ROBO1: variants seen among roughly 807,000 people sequenced by gnomAD.
The protein encoded by ROBO1 is roundabout guidance receptor 1.
Under a neutral mutation model 195.9 loss-of-function variants are expected in ROBO1, and 149 were observed. The observed-to-expected ratio is 0.76, with a 90% CI of 0.67 to 0.87. The LOEUF is 0.87. Ranked by LOEUF, ROBO1 falls within the 40% of genes least tolerant of loss-of-function variation. The pLI is 0.00. For missense variants in ROBO1, 1,933 were observed against 2,068.3 expected, an observed-to-expected ratio of 0.93 and a Z score of 1.27; for synonymous variants, 816 against 733.2, an observed-to-expected ratio of 1.11 and a Z score of -1.82.
chr3:79,063,855 A>G (rs1433949782), intron 3 of ROBO1, among the ~76,000 whole-genome samples: 1 of 151,962 alleles, frequency 6.6e-6, no homozygotes, highest in Non-Finnish European at 1.5e-5. Flanking sequence ...GACAGACATC[A>G]CTTAATCTAA....
At chr3:79,614,594 A>C (rs1286442414) in intron 1 of ROBO1, among the ~76,000 whole-genome samples, 1 of 152,142 alleles carries the variant, frequency 6.6e-6, no homozygotes, top group African/African-American at 2.4e-5. Context: ...AAAGTATTAA[A>C]AAACTATAAC....
chr3:79,477,609 T>C (rs1232977584), intron 2 of ROBO1, among the ~76,000 whole-genome samples: 1 of 152,134 alleles, frequency 6.6e-6, no homozygotes. Context: ...ACATATATGT[T>C]TACCAAGTTG....
intron 10 of ROBO1, among the ~76,000 whole-genome samples, chr3:78,679,010 G>T (rs2080816196): frequency 6.6e-6 from 1 of 152,136 alleles, no homozygotes; most frequent in Admixed American, 6.5e-5. Context: ...GGGATGCAAG[G>T]CTGGTTCAAT....
chr3:78,910,483 A>G (rs555281420), intron 4 of ROBO1, among the ~76,000 whole-genome samples: 2 of 152,018 alleles, frequency 1.3e-5, no homozygotes, highest in East Asian at 1.9e-4. Context: ...ATCTGATTCA[A>G]CTCCTAGAAG....
At chr3:78,656,495 C>T (rs947335327) in intron 18 of ROBO1, among the ~76,000 whole-genome samples, 4 of 151,922 alleles carry the variant, frequency 2.6e-5, no homozygotes, top group Admixed American at 6.6e-5. Context: ...GGACTACAGG[C>T]GCCCGCCACC....
intron 2 of ROBO1, among the ~76,000 whole-genome samples, chr3:79,538,340 C>A (rs1941949415): frequency 6.6e-6 from 1 of 151,838 alleles, no homozygotes; most frequent in African/African-American, 2.4e-5. Context: ...ATGTTTAAGG[C>A]AATGAAAAAA....
intron 2 of ROBO1, among the ~76,000 whole-genome samples, chr3:79,472,099 A>G (rs961278589): frequency 6.6e-6 from 1 of 152,132 alleles, no homozygotes; most frequent in Non-Finnish European, 1.5e-5. Flanking sequence ...AATAATACTA[A>G]TGATAAAAAA....
At chr3:79,733,344 G>A (rs1703237148) in intron 1 of ROBO1, among the ~76,000 whole-genome samples, 1 of 152,106 alleles carries the variant, frequency 6.6e-6, no homozygotes, top group South Asian at 2.1e-4. Flanking sequence ...TATTGTTGTA[G>A]GATGACAAAA....
At chr3:78,820,404 A>T (rs1311222605) in intron 4 of ROBO1, among the ~76,000 whole-genome samples, 3 of 152,190 alleles carry the variant, frequency 2.0e-5, no homozygotes, top group Admixed American at 2.0e-4. Flanking sequence ...TAACTTACCC[A>T]AAGACAGCTA....
intron 2 of ROBO1, among the ~76,000 whole-genome samples, chr3:79,554,914 C>A (rs7617400): frequency 6.6e-6 from 1 of 151,772 alleles, no homozygotes; most frequent in African/African-American, 2.4e-5. Flanking sequence ...ATCAATCTGG[C>A]GTGTAGAAGA....
intron 3 of ROBO1, among the ~76,000 whole-genome samples, chr3:79,122,831 T>A (rs1016004227): frequency 1.3e-5 from 2 of 151,978 alleles, no homozygotes; most frequent in African/African-American, 2.4e-5. Flanking sequence ...CCCCCAAAAA[T>A]GTTTTCCAGG....
chr3:79,520,941 A>T (rs1941182196), intron 2 of ROBO1, among the ~76,000 whole-genome samples: 1 of 152,206 alleles, frequency 6.6e-6, no homozygotes, highest in African/African-American at 2.4e-5. Context: ...ACTTGAATCA[A>T]TGTAGAGACA....
intron 1 of ROBO1, among the ~76,000 whole-genome samples, chr3:79,699,426 A>G (rs1947547085): frequency 6.6e-6 from 1 of 151,622 alleles, no homozygotes; most frequent in Admixed American, 6.6e-5. Flanking sequence ...TCGAAGTACC[A>G]TAAATACAAT....
chr3:78,767,870 G>T (rs1046397320), intron 4 of ROBO1, among the ~76,000 whole-genome samples: 2 of 151,870 alleles, frequency 1.3e-5, no homozygotes, highest in East Asian at 3.9e-4. Flanking sequence ...TGTTTTAAAA[G>T]AACTAGCTTT....
intron 3 of ROBO1, among the ~76,000 whole-genome samples, chr3:79,079,467 G>A (rs1003358591): frequency 6.6e-6 from 1 of 151,750 alleles, no homozygotes; most frequent in African/African-American, 2.4e-5. Context: ...AAACAGTTAC[G>A]AGTGAAAAGA....
chr3:79,514,556 C>T (rs1037416470), intron 2 of ROBO1, among the ~76,000 whole-genome samples: 2 of 151,890 alleles, frequency 1.3e-5, no homozygotes, highest in Non-Finnish European at 2.9e-5. Context: ...CTGTACTGGT[C>T]CTTGTCTATA....
intron 3 of ROBO1, among the ~76,000 whole-genome samples, chr3:78,965,245 C>T (rs1453956547): frequency 6.6e-6 from 1 of 152,092 alleles, no homozygotes; most frequent in Non-Finnish European, 1.5e-5. Context: ...ACATTCAATA[C>T]ATTTAGGAAA....
intron 5 of ROBO1, among the ~76,000 whole-genome samples, chr3:78,737,202 A>T (rs2082412207): frequency 6.6e-6 from 1 of 152,198 alleles, no homozygotes; most frequent in South Asian, 2.1e-4. Context: ...GTGGCAACTG[A>T]AAATTCTCAC....
At chr3:79,491,383 G>T (rs969476022) in intron 2 of ROBO1, among the ~76,000 whole-genome samples, 1 of 152,082 alleles carries the variant, frequency 6.6e-6, no homozygotes, top group Non-Finnish European at 1.5e-5. Context: ...GCTGACAGTC[G>T]GGTTGTAAGA....
Sources: allele counts gnomAD v4.1 joint callset (sites outside exome capture counted in the v4.1 genomes callset), GRCh38; gene constraint gnomAD v4.1.1; transcripts MANE v1.5; gene names NCBI Gene and HGNC (gene_info 2026-07-23, HGNC 2026-07-21).